Variants in LARGE1 observed in about 807,000 individuals in gnomAD.
The protein encoded by LARGE1 is xylosyl- and glucuronyltransferase LARGE1.
Under a neutral mutation model 87.6 loss-of-function variants are expected in LARGE1, and 43 were observed. That is an observed-to-expected ratio of 0.49 (90% CI 0.38 to 0.63). The LOEUF is 0.63. LARGE1 is among the 30% of genes least tolerant of loss of function. LARGE1 has a pLI of 0.00. For missense variants in LARGE1, 802 were observed against 1,000.2 expected, an observed-to-expected ratio of 0.80 and a Z score of 2.67; for synonymous variants, 434 against 394.6, an observed-to-expected ratio of 1.10 and a Z score of -1.18.
chr22:33,084,860 A>ACGG, the LARGE1 span, among the ~76,000 whole-genome samples: 1 of 152,262 alleles, frequency 6.6e-6, no homozygotes, highest in Non-Finnish European at 1.5e-5. Context: ...CATTCTTTTT[A>ACGG]TTATAACAAC....
At chr22:33,428,908 C>T (rs1416604782) in intron 7 of LARGE1, among the ~76,000 whole-genome samples, 38 of 126,012 alleles carry the variant, frequency 3.0e-4, no homozygotes, top group African/African-American at 5.0e-4. Context: ...CCAGCCTGGG[C>T]GAAAGAGCGA....
At chr22:33,649,731 T>G (rs1273238954) in intron 3 of LARGE1, among the ~76,000 whole-genome samples, 2 of 152,056 alleles carry the variant, frequency 1.3e-5, no homozygotes, top group Non-Finnish European at 2.9e-5. Context: ...CTGGAAACAA[T>G]GGGGAATGAG....
chr22:33,602,446 A>G (rs189130769), intron 5 of LARGE1, among the ~76,000 whole-genome samples: 1 of 152,276 alleles, frequency 6.6e-6, no homozygotes, highest in Non-Finnish European at 1.5e-5. Flanking sequence ...GTACGATCAT[A>G]GCTCACTGCA....
chr22:33,787,666 C>T (rs944433164), intron 1 of LARGE1, among the ~76,000 whole-genome samples: 1 of 152,194 alleles, frequency 6.6e-6, no homozygotes, highest in Non-Finnish European at 1.5e-5. Context: ...AAATCTTCAT[C>T]TCTCAGTTCA....
chr22:33,102,793 C>T, the LARGE1 span, among the ~76,000 whole-genome samples: 1 of 152,028 alleles, frequency 6.6e-6, no homozygotes, highest in Non-Finnish European at 1.5e-5. Flanking sequence ...ACCTGGCACC[C>T]CCATTCCCTG....
chr22:33,835,186 T>C lies in LARGE1; in HGVS notation c.-82-73628A>G, dbSNP rs536428662. On this transcript the variant is annotated intron_variant, in intron 1 of 14. Coordinates refer to ENST00000397394, the MANE Select transcript of LARGE1 (RefSeq NM_133642.5). ...TGCAGAAATTATTATTACATGTTCA[T>C]AAGGGCTTTATGGTGGTATAATATT... Among the ~76,000 whole-genome samples, 15 of 152,384 alleles carry C rather than the reference T, an allele frequency of 9.8e-5. No individual in the cohort carries two copies. The South Asian group carries it at 1.4e-3, about 15-fold the overall frequency.
intron 3 of LARGE1, among the ~76,000 whole-genome samples, chr22:33,638,961 T>A (rs1430614556): frequency 6.6e-6 from 1 of 152,218 alleles, no homozygotes; most frequent in Non-Finnish European, 1.5e-5. Flanking sequence ...CTTAAGTACA[T>A]CCACAAATGC....
rs549932229 is a variant in LARGE1 at position 33,274,245 on chromosome 22, A to G, written c.*182T>C. On this transcript the variant is annotated 3_prime_UTR_variant, in exon 15 of 15. Coordinates refer to ENST00000397394, the MANE Select transcript of LARGE1 (RefSeq NM_133642.5). ...CTGGGAATGCAGGGTTGTGGGGCAG[A>G]GAGGGACTGGCTGGATCCTTGTCCA... 1.3e-5 allele frequency: 9 copies of G among 669,014 alleles called. No individual in the cohort carries two copies. The East Asian group carries it at 2.2e-4, about 16-fold the overall frequency. The allele number at this position is 669,014 out of a possible 1,614,324, so 41.4% of individuals were successfully genotyped here. A position where few individuals can be genotyped will look rare whatever the true frequency, so the allele number is the denominator to read the frequency against.
At chr22:33,508,619 T>A (rs1384087965) in intron 6 of LARGE1, among the ~76,000 whole-genome samples, 2 of 152,218 alleles carry the variant, frequency 1.3e-5, no homozygotes, top group Non-Finnish European at 2.9e-5. Context: ...ACTTTTTGCT[T>A]CCTGGAGAAA....
intron 7 of LARGE1, among the ~76,000 whole-genome samples, chr22:33,425,704 G>C (rs1000933486): frequency 1.3e-5 from 2 of 152,154 alleles, no homozygotes; most frequent in African/African-American, 4.8e-5. Flanking sequence ...ACTGGGAAAT[G>C]CTTCTGGGTG....
At chr22:33,461,764 T>C (rs371528418) in intron 6 of LARGE1, among the ~76,000 whole-genome samples, 4 of 152,020 alleles carry the variant, frequency 2.6e-5, no homozygotes, top group African/African-American at 9.7e-5. Context: ...CTGTCTCTTA[T>C]TGTTTACTCT....
rs915163997 is a variant in LARGE1, at chr22:33,337,721, G to A, written c.1212C>T (p.Phe404=). 3 of 1,614,062 alleles carry A rather than the reference G, an allele frequency of 1.9e-6. No individual in the cohort carries two copies. The highest frequency in any genetic ancestry group is 1.3e-5 in the African/African-American group (1 of 74,916). The change falls in exon 10 of 15, where the codon TTC becomes TTT. Residue 404 remains phenylalanine, a synonymous_variant. Transcript: ENST00000397394. ...TCAGAAGATTGCCGTCATACTCCAG[G>A]AAGGTCAGGTAGAGGTTGCGAAAAA... ...VEFFRNLYLT[F]LEYDGNLLRR...
intron 11 of LARGE1, among the ~76,000 whole-genome samples, chr22:33,182,066 C>T (rs796979689): frequency 6.0e-4 from 92 of 152,166 alleles, no homozygotes; most frequent in African/African-American, 2.2e-3. Flanking sequence ...AAGTAATCTC[C>T]CCGCCTTGGC....
chr22:33,852,522 T>TA (rs1035941788), intron 1 of LARGE1, among the ~76,000 whole-genome samples: 43 of 151,812 alleles, frequency 2.8e-4, no homozygotes, highest in African/African-American at 9.4e-4. Context: ...ACAACAAATT[T>TA]AAAAAAACAT....
chr22:33,518,591 G>A (rs761804939), intron 6 of LARGE1, among the ~76,000 whole-genome samples: 7 of 152,290 alleles, frequency 4.6e-5, no homozygotes, highest in Non-Finnish European at 8.8e-5. Flanking sequence ...TCACAGGCAC[G>A]ACCCACCGCG....
chr22:33,497,395 T>A lies in LARGE1; in HGVS notation c.788-65130A>T, dbSNP rs534362258. Reference sequence around the variant, plus strand: ...CCAGCCTGCTATTTTCTTAGGCAAATGAAATGACCACTCCATGTCTCAGTT... The same window carrying A: ...CCAGCCTGCTATTTTCTTAGGCAAAAGAAATGACCACTCCATGTCTCAGTT... On this transcript the variant is annotated intron_variant, in intron 6 of 14. Transcript: ENST00000397394. Among the ~76,000 whole-genome samples the A allele has an allele frequency of 9.9e-5, 15 of 152,258 alleles. 1 individual carries two copies. The South Asian group carries it at 3.1e-3, about 32-fold the overall frequency.
At chr22:33,178,522 C>T (rs1280050889) in intron 11 of LARGE1, among the ~76,000 whole-genome samples, 1 of 152,194 alleles carries the variant, frequency 6.6e-6, no homozygotes, top group Admixed American at 6.5e-5. Flanking sequence ...TGAGTGGGGA[C>T]AGGGTTTGGA....
At chr22:33,681,888 T>G (rs894767012) in intron 2 of LARGE1, among the ~76,000 whole-genome samples, 1 of 152,258 alleles carries the variant, frequency 6.6e-6, no homozygotes, top group Non-Finnish European at 1.5e-5. Context: ...CCTAAGTCTA[T>G]GCTCATGCTA....
intron 1 of LARGE1, among the ~76,000 whole-genome samples, chr22:33,872,440 C>T (rs1414214894): frequency 6.6e-6 from 1 of 151,310 alleles, no homozygotes; most frequent in African/African-American, 2.4e-5. Context: ...AACACGGCTC[C>T]TAAGAAAATA....
Sources: allele counts gnomAD v4.1 joint callset (sites outside exome capture counted in the v4.1 genomes callset), GRCh38; gene constraint gnomAD v4.1.1; transcripts MANE v1.5; gene names NCBI Gene and HGNC (gene_info 2026-07-23, HGNC 2026-07-21).